The following ASTN2 variants were observed in gnomAD, a reference collection of about 807,000 sequenced individuals.
ASTN2 encodes the protein astrotactin 2.
In ASTN2, 54 loss-of-function variants were observed where a neutral mutation model predicts 139.8. The observed-to-expected ratio is 0.39, with a 90% CI of 0.31 to 0.48. The LOEUF (loss-of-function observed/expected upper bound fraction) is 0.48, where lower values mean the gene tolerates loss of function less well. ASTN2 is among the 20% of genes least tolerant of loss of function. The pLI is 0.95. For missense variants in ASTN2, 1,565 were observed against 1,725.1 expected (o/e 0.91, Z 1.64); for synonymous variants, 756 against 719.5 (o/e 1.05, Z -0.81).
At chr9:117,086,570 A>G (rs1828567885) in intron 5 of ASTN2, among the ~76,000 whole-genome samples, 1 of 152,110 alleles carries the variant, frequency 6.6e-6, no homozygotes, top group African/African-American at 2.4e-5. Flanking sequence ...GCAAAACTCC[A>G]TCTCAAAAAC....
At chr9:117,216,082 C>T (rs12000113) in intron 2 of ASTN2, among the ~76,000 whole-genome samples, 60,245 of 152,060 alleles carry the variant, frequency 0.4, 13,538 homozygotes, top group Middle Eastern at 0.55. Flanking sequence ...AAGGCAAGGA[C>T]AAATTCTGAC....
At chr9:117,237,239 TTATC>T (rs1479842762) in intron 2 of ASTN2, among the ~76,000 whole-genome samples, 2 of 151,916 alleles carry the variant, frequency 1.3e-5, no homozygotes, top group Non-Finnish European at 2.9e-5. Context: ...GTTTCTATTA[TTATC>T]TATTTTTTTT....
chr9:116,459,435 T>C (rs949604670), intron 20 of ASTN2, among the ~76,000 whole-genome samples: 1 of 152,052 alleles, frequency 6.6e-6, no homozygotes, highest in Non-Finnish European at 1.5e-5. Context: ...TTTAAAACTT[T>C]TGTGCCTCAA....
At position 116,887,824 on chromosome 9, in the gene ASTN2, C is replaced by T. The variant is rs532614981; in HGVS notation, c.1890-24091G>A. The stretch of plus-strand genomic sequence containing the variant: ...CTGGGACTACAGGCCCGTACCACCA[C>T]ATCCAGCTAAGTTTTATATTTTTTT... On this transcript the variant is annotated intron_variant, in intron 10 of 22. Transcript: ENST00000313400. Among the ~76,000 whole-genome samples the T allele has an allele frequency of 5.9e-5, 9 of 152,144 alleles. No homozygotes were observed. The South Asian group carries it at 1.9e-3, about 32-fold the overall frequency.
rs1554750244 is a variant in ASTN2, at chr9:116,815,816, A to AAAAAAAAAAAC, written c.2207+4800_2207+4801insGTTTTTTTTTT. Among the ~76,000 whole-genome samples the AAAAAAAAAAAC allele has an allele frequency of 9.0e-4, 127 of 141,056 alleles. 13 individuals are homozygous for AAAAAAAAAAAC. The highest frequency in any genetic ancestry group is 3.5e-3 in the African/African-American group (122 of 34,408). The allele number at this position is 141,056 out of a possible 152,430, so 92.5% of individuals were successfully genotyped here. A position where few individuals can be genotyped will look rare whatever the true frequency, so the allele number is the denominator to read the frequency against. ...CGAGACTCCGTCTCAAAAAAAAAAA[A>AAAAAAAAAAAC]AAAAAAAAAAAAGTTGATGAAATGG... is the stretch of plus-strand genomic sequence containing the variant. On this transcript the variant is annotated intron_variant, in intron 12 of 22. Transcript: ENST00000313400.
intron 22 of ASTN2, among the ~76,000 whole-genome samples, chr9:116,436,157 C>G (rs981496333): frequency 5.9e-5 from 9 of 152,104 alleles, no homozygotes; most frequent in African/African-American, 1.9e-4. Context: ...ATCAATGAAT[C>G]AATCAATCAA....
chr9:117,378,582 C>T (rs1054349652), intron 1 of ASTN2, among the ~76,000 whole-genome samples: 13 of 152,170 alleles, frequency 8.5e-5, no homozygotes, highest in African/African-American at 2.4e-4. Flanking sequence ...CCACTGCCCC[C>T]TTCTTGGGAA....
intron 20 of ASTN2, among the ~76,000 whole-genome samples, chr9:116,463,729 T>C (rs10759841): frequency 0.98 from 149,709 of 152,140 alleles, 73,698 homozygotes; most frequent in Non-Finnish European, 1. Context: ...TTCATTATAG[T>C]TACATTGTGT....
intron 17 of ASTN2, among the ~76,000 whole-genome samples, chr9:116,626,170 T>G (rs1443747523): frequency 3.0e-5 from 4 of 134,268 alleles, no homozygotes; most frequent in Admixed American, 7.4e-5. Context: ...TTTTTTTTTT[T>G]TTTTTTTTTT....
At chr9:116,828,887 C>T (rs935279310) in intron 11 of ASTN2, among the ~76,000 whole-genome samples, 5 of 151,892 alleles carry the variant, frequency 3.3e-5, no homozygotes, top group African/African-American at 1.2e-4. Context: ...TAGCTGAGAA[C>T]CAAATTAAGA....
intron 7 of ASTN2, among the ~76,000 whole-genome samples, chr9:117,007,316 T>C (rs1837384678): frequency 6.6e-6 from 1 of 152,164 alleles, no homozygotes; most frequent in South Asian, 2.1e-4. Flanking sequence ...ATTTACCTGC[T>C]TGTTTGACCA....
At position 117,038,675 on chromosome 9, in the gene ASTN2, A is replaced by G. The variant is rs372390782; in HGVS notation, c.1423+1144T>C. Among the ~76,000 whole-genome samples, 19 of 152,360 alleles carry G rather than the reference A, an allele frequency of 1.2e-4. 1 individual carries two copies. Among genetic ancestry groups the G allele is most frequent in the African/African-American group, 4.6e-4 (19 of 41,602 alleles). ...AAACTAAAAATTTATTAAGTTGCAC[A>G]GTTAAGGTATGCCTTCTTTATTATA... On this transcript the variant is annotated intron_variant, in intron 6 of 22. Transcript: ENST00000313400.
intron 14 of ASTN2, among the ~76,000 whole-genome samples, chr9:116,730,769 C>A (rs1008830615): frequency 4.6e-5 from 7 of 152,188 alleles, no homozygotes; most frequent in Non-Finnish European, 1.0e-4. Context: ...CACTTGGTGG[C>A]ATGATGTCCA....
chr9:116,537,379 T>G (rs1202269773), intron 19 of ASTN2, among the ~76,000 whole-genome samples: 1 of 152,222 alleles, frequency 6.6e-6, no homozygotes, highest in Non-Finnish European at 1.5e-5. Context: ...GCAACTTTGG[T>G]TTCACAATTT....
chr9:117,350,857 A>G (rs1259384104), intron 1 of ASTN2, among the ~76,000 whole-genome samples: 1 of 152,204 alleles, frequency 6.6e-6, no homozygotes, highest in African/African-American at 2.4e-5. Context: ...TGGGAAAGAC[A>G]TGCAGCAAGT....
intron 10 of ASTN2, among the ~76,000 whole-genome samples, chr9:116,966,985 G>A (rs925683496): frequency 3.3e-5 from 5 of 152,152 alleles, no homozygotes; most frequent in African/African-American, 1.2e-4. Context: ...TTGAAATCCT[G>A]ATTCGGCCAC....
chr9:117,028,428 G>A (rs1838156712), intron 6 of ASTN2, among the ~76,000 whole-genome samples: 1 of 152,168 alleles, frequency 6.6e-6, no homozygotes, highest in Non-Finnish European at 1.5e-5. Flanking sequence ...GGAAGGGGGA[G>A]CAGGATGCAC....
chr9:116,743,588 T>C (rs2132141824), intron 13 of ASTN2, among the ~76,000 whole-genome samples: 1 of 151,320 alleles, frequency 6.6e-6, no homozygotes, highest in African/African-American at 2.4e-5. Flanking sequence ...CTCGGCTCAC[T>C]GAAACCTCCA....
At chr9:116,501,137 A>G (rs1315890166) in intron 19 of ASTN2, among the ~76,000 whole-genome samples, 2 of 152,188 alleles carry the variant, frequency 1.3e-5, no homozygotes, top group Non-Finnish European at 2.9e-5. Context: ...GGGTGGGAGA[A>G]GAACCCAAGC....
Sources: allele counts gnomAD v4.1 joint callset (sites outside exome capture counted in the v4.1 genomes callset), GRCh38; gene constraint gnomAD v4.1.1; transcripts MANE v1.5; gene names NCBI Gene and HGNC (gene_info 2026-07-23, HGNC 2026-07-21).